SGIP1: variants seen among roughly 807,000 people sequenced by gnomAD.
The protein encoded by SGIP1 is SH3-containing GRB2-like protein 3-interacting protein 1.
A neutral mutation model predicts 107.5 loss-of-function variants in SGIP1; 38 were observed. That is an observed-to-expected ratio of 0.35 (90% confidence interval 0.27 to 0.46). The LOEUF (loss-of-function observed/expected upper bound fraction) is 0.46. SGIP1 is among the 20% of genes least tolerant of loss of function. SGIP1 has a pLI of 1.00. For missense variants in SGIP1, 929 were observed against 1,019.5 expected (o/e 0.91, Z 1.21); for synonymous variants, 365 against 366.1 (o/e 1.00, Z 0.03).
upstream of SGIP1, among the ~76,000 whole-genome samples, chr1:66,533,983 G>C (rs1184137382): frequency 6.6e-6 from 1 of 151,746 alleles, no homozygotes; most frequent in Non-Finnish European, 1.5e-5. Context: ...AGGCGATGGG[G>C]GTGGAGGGGA....
chr1:66,654,991 C>A (rs1262491928), intron 7 of SGIP1, among the ~76,000 whole-genome samples: 2 of 152,134 alleles, frequency 1.3e-5, no homozygotes, highest in Non-Finnish European at 2.9e-5. Context: ...AAACACAGCA[C>A]AGGGAGAATC....
At chr1:66,609,049 T>TATCCCACAGG (rs1553253355) in intron 1 of SGIP1, among the ~76,000 whole-genome samples, 4 of 152,108 alleles carry the variant, frequency 2.6e-5, no homozygotes, top group African/African-American at 7.2e-5. Context: ...AGGTCACTTT[T>TATCCCACAGG]GACACTTGAG....
At chr1:66,675,537 C>CTTTT (rs141370211) in intron 12 of SGIP1, among the ~76,000 whole-genome samples, 16,831 of 109,070 alleles carry the variant, frequency 0.15, 1,923 homozygotes, top group South Asian at 0.22. Context: ...TTTTCTTTTT[C>CTTTT]TTTCTTTTTT....
chr1:66,653,200 T>C (rs1338269530), intron 7 of SGIP1, among the ~76,000 whole-genome samples: 1 of 152,198 alleles, frequency 6.6e-6, no homozygotes, highest in East Asian at 1.9e-4. Context: ...GGAAATTTTC[T>C]TTTTCAAAAT....
chr1:66,596,417 C>G (rs1034623173), intron 1 of SGIP1, among the ~76,000 whole-genome samples: 30 of 151,974 alleles, frequency 2.0e-4, no homozygotes, highest in Non-Finnish European at 4.0e-4. Flanking sequence ...GGAGTGTGTG[C>G]TGATTGGTTT....
chr1:66,534,495 A>G, intron 1 of SGIP1, 127 bp downstream of exon 1: 1 of 1,059,506 alleles, frequency 9.4e-7, no homozygotes, highest in South Asian at 1.3e-5. Context: ...GCAAGCAGAA[A>G]TGCTGCAGTT....
At chr1:66,566,517 G>A (rs1468534675) in intron 1 of SGIP1, among the ~76,000 whole-genome samples, 1 of 151,828 alleles carries the variant, frequency 6.6e-6, no homozygotes, top group African/African-American at 2.4e-5. Context: ...CTAGTCCAGT[G>A]GAATAGCACC....
At chr1:66,675,872 GA>G in intron 12 of SGIP1, among the ~76,000 whole-genome samples, 2 of 151,988 alleles carry the variant, frequency 1.3e-5, no homozygotes, top group Middle Eastern at 3.4e-3. Context: ...ATGGTCTGGG[GA>G]AAAAATATGT....
chr1:66,649,476 G>A (rs1230792266), intron 7 of SGIP1, among the ~76,000 whole-genome samples: 2 of 152,120 alleles, frequency 1.3e-5, no homozygotes, highest in Non-Finnish European at 2.9e-5. Flanking sequence ...GGTGGTTGTT[G>A]CCATGGTCAT....
At chr1:66,667,948 T>C (rs1049352111) in intron 9 of SGIP1, among the ~76,000 whole-genome samples, 2 of 152,216 alleles carry the variant, frequency 1.3e-5, no homozygotes, top group African/African-American at 2.4e-5. Context: ...TAAGCCATCA[T>C]TGTTTGTAAG....
intron 1 of SGIP1, among the ~76,000 whole-genome samples, chr1:66,548,997 T>C (rs1427721788): frequency 6.6e-6 from 1 of 152,188 alleles, no homozygotes; most frequent in African/African-American, 2.4e-5. Context: ...TCTAGTTTTC[T>C]TTTATAATTT....
At chr1:66,595,266 G>A (rs1465106582) in intron 1 of SGIP1, among the ~76,000 whole-genome samples, 1 of 152,184 alleles carries the variant, frequency 6.6e-6, no homozygotes, top group East Asian at 1.9e-4. Flanking sequence ...GCCAGTGCCT[G>A]TGGCAGACAT....
At chr1:66,634,000 G>T (rs1023474946) in intron 3 of SGIP1, 6 of 1,302,712 alleles carry the variant, frequency 4.6e-6, no homozygotes, top group African/African-American at 3.0e-5. Flanking sequence ...GCCTTCATGT[G>T]GTTCTTACCA....
At chr1:66,687,670 C>T (rs948106061) in intron 15 of SGIP1, among the ~76,000 whole-genome samples, 1 of 152,168 alleles carries the variant, frequency 6.6e-6, no homozygotes, top group Non-Finnish European at 1.5e-5. Flanking sequence ...CTGAATATCT[C>T]TCAGCTTCAG....
intron 1 of SGIP1, among the ~76,000 whole-genome samples, chr1:66,572,745 C>T (rs544538230): frequency 6.6e-6 from 1 of 152,130 alleles, no homozygotes; most frequent in Admixed American, 6.6e-5. Context: ...AGGGTCTCCT[C>T]TTCAGTGTGG....
chr1:66,678,487 T>C (rs1350485838), intron 13 of SGIP1, among the ~76,000 whole-genome samples: 2 of 152,168 alleles, frequency 1.3e-5, no homozygotes, highest in Non-Finnish European at 2.9e-5. Context: ...GTTTTTATGG[T>C]ATTTTGTTGA....
At chr1:66,644,373 A>C (rs1211560308) in intron 7 of SGIP1, among the ~76,000 whole-genome samples, 2 of 151,888 alleles carry the variant, frequency 1.3e-5, no homozygotes, top group Non-Finnish European at 2.9e-5. Flanking sequence ...TTATTTTTGC[A>C]CAATTTGCAC....
intron 2 of SGIP1, among the ~76,000 whole-genome samples, chr1:66,628,774 T>C (rs2073564210): frequency 6.6e-6 from 1 of 152,228 alleles, no homozygotes; most frequent in African/African-American, 2.4e-5. Context: ...TCCTCACAGC[T>C]ACGGGTAGAG....
chr1:66,727,390 A>G (rs2093804095), intron 19 of SGIP1, among the ~76,000 whole-genome samples: 1 of 152,224 alleles, frequency 6.6e-6, no homozygotes, highest in African/African-American at 2.4e-5. Flanking sequence ...GATTAAAATG[A>G]TCAGTTCTAC....
Sources: allele counts gnomAD v4.1 joint callset (sites outside exome capture counted in the v4.1 genomes callset), GRCh38; gene constraint gnomAD v4.1.1; transcripts MANE v1.5; gene names NCBI Gene and HGNC (gene_info 2026-07-23, HGNC 2026-07-21).